The following USP7 variants were observed in gnomAD, a reference collection of about 807,000 sequenced individuals.
The protein encoded by USP7 is ubiquitin specific peptidase 7.
In USP7, 9 loss-of-function variants were observed where a neutral mutation model predicts 162.9. The ratio of observed to expected loss-of-function variants is 0.06; its 90% confidence interval spans 0.03 to 0.10. USP7 has a LOEUF of 0.10. Among genes scored for constraint, USP7 ranks in the 10% least tolerant of loss-of-function variants. The pLI is 1.00. For missense variants in USP7, 715 were observed against 1,373.7 expected (o/e 0.52, Z 7.58); for synonymous variants, 562 against 475.9 (o/e 1.18, Z -2.35).
At chr16:8,896,977 A>G (rs373547298) in intron 26 of USP7, 22 bp downstream of exon 26, 129 of 1,592,698 alleles carry the variant, frequency 8.1e-5, no homozygotes, top group Non-Finnish European at 1.1e-4. Context: ...AACGTCCACA[A>G]TTGGGCTCAA....
chr16:8,894,326 C>T (rs530623213), intron 30 of USP7, among the ~76,000 whole-genome samples: 22 of 152,302 alleles, frequency 1.4e-4, no homozygotes, highest in African/African-American at 5.1e-4. Flanking sequence ...TCACCCTGCA[C>T]ACATATCCAA....
chr16:8,941,269 C>G (rs144566601), intron 1 of USP7, among the ~76,000 whole-genome samples: 9 of 152,324 alleles, frequency 5.9e-5, no homozygotes, highest in Non-Finnish European at 1.2e-4. Flanking sequence ...ATTAACTATG[C>G]TCAAACATAA....
intron 5 of USP7, among the ~76,000 whole-genome samples, chr16:8,919,715 G>A (rs975441471): frequency 2.8e-5 from 4 of 145,176 alleles, no homozygotes; most frequent in Non-Finnish European, 6.0e-5. Flanking sequence ...AAGCCACAGA[G>A]AACGGTGCCA....
chr16:8,934,202 CA>C (rs1434312016), intron 1 of USP7, among the ~76,000 whole-genome samples: 1 of 152,164 alleles, frequency 6.6e-6, no homozygotes, highest in African/African-American at 2.4e-5. Flanking sequence ...CATAAAACTT[CA>C]TGTCTAAAAT....
intron 1 of USP7, among the ~76,000 whole-genome samples, chr16:8,947,575 C>T (rs1020058451): frequency 3.9e-5 from 6 of 152,264 alleles, no homozygotes; most frequent in Non-Finnish European, 7.4e-5. Context: ...CTCGAACTTC[C>T]GGCCTCAAGT....
chr16:8,902,778 C>G (rs1219009764), intron 16 of USP7, among the ~76,000 whole-genome samples: 1 of 151,992 alleles, frequency 6.6e-6, no homozygotes, highest in East Asian at 1.9e-4. Context: ...ATCCCAGCTA[C>G]TTGGGAGGCT....
At position 8,913,055 on chromosome 16, in the gene USP7, A is replaced by T. The variant is rs2061973503; in HGVS notation, c.1078+2199T>A. Among the ~76,000 whole-genome samples, 2 of 151,994 alleles carry T rather than the reference A, an allele frequency of 1.3e-5. 1 individual carries two copies. The highest frequency in any genetic ancestry group is 4.2e-4 in the South Asian group (2 of 4,818). ...ACTGAAAACCAGTGAGAAGGAAAAA[A>T]CCTTAAAAGCACATGGGGGGCTGGG... is the stretch of plus-strand genomic sequence containing the variant. On this transcript the variant is annotated intron_variant, in intron 10 of 30. Transcript: ENST00000344836.
chr16:8,921,743 C>T (rs1310439197), intron 3 of USP7, among the ~76,000 whole-genome samples: 4 of 152,120 alleles, frequency 2.6e-5, no homozygotes, highest in Non-Finnish European at 5.9e-5. Context: ...CTGTCCTGCC[C>T]CGGCATCGAC....
At chr16:8,930,544 A>G in intron 1 of USP7, 147 bp from the exon 2 acceptor site, 1 of 588,798 alleles carries the variant, frequency 1.7e-6, no homozygotes, top group Non-Finnish European at 2.8e-6. Flanking sequence ...TCCAAAAAAT[A>G]TTTATACTAA....
At chr16:8,943,729 T>C (rs748360632) in intron 1 of USP7, among the ~76,000 whole-genome samples, 50 of 152,304 alleles carry the variant, frequency 3.3e-4, no homozygotes, top group African/African-American at 5.1e-4. Context: ...AAAGGCAATA[T>C]GTATTAAAAT....
intron 28 of USP7, 71 bp downstream of exon 28, chr16:8,894,960 A>G (rs2061659232): frequency 1.2e-6 from 2 of 1,613,352 alleles, no homozygotes; most frequent in Non-Finnish European, 1.7e-6. Context: ...AGGAGCGCAG[A>G]TTCGGCAACA....
intron 15 of USP7, among the ~76,000 whole-genome samples, chr16:8,903,741 C>G (rs2061814660): frequency 6.6e-6 from 1 of 151,932 alleles, no homozygotes; most frequent in Non-Finnish European, 1.5e-5. Flanking sequence ...GTGGCACATG[C>G]CTGTAATCCC....
rs750518112 is a variant in USP7, at chr16:8,923,349, C to T, written c.249G>A (p.Glu83=). 15 of 1,614,130 alleles carry T rather than the reference C, an allele frequency of 9.3e-6. 1 individual carries two copies. The South Asian group carries it at 1.5e-4, about 17-fold the overall frequency. The part of the protein sequence containing the change: ...FTVERFSRLS[E]SVLSPPCFVR... Reference sequence around the variant, plus strand: ...CAAAACACGGAGGGCTAAGGACCGACTCACTCAGTCTGCTGAAGCGCTCCA... The same window carrying T: ...CAAAACACGGAGGGCTAAGGACCGATTCACTCAGTCTGCTGAAGCGCTCCA... Residue 83 remains glutamate (E), a synonymous_variant, in exon 3 of 31, where the codon GAG becomes GAA. Coordinates refer to ENST00000344836, the MANE Select transcript of USP7 (RefSeq NM_003470.3).
chr16:8,906,775 T>C (rs887766243), intron 12 of USP7, among the ~76,000 whole-genome samples, 193 bp from the exon 13 acceptor site: 2 of 152,168 alleles, frequency 1.3e-5, no homozygotes, highest in Admixed American at 1.3e-4. Context: ...AACATAAATA[T>C]ACACTATGAA....
At chr16:8,945,116 T>C (rs1190933026) in intron 1 of USP7, among the ~76,000 whole-genome samples, 2 of 151,982 alleles carry the variant, frequency 1.3e-5, no homozygotes, top group Non-Finnish European at 2.9e-5. Flanking sequence ...ATTAGCTGGG[T>C]GTGGTGGCGG....
rs1596427510 is a variant in USP7, at chr16:8,963,698, G to GCGCGGCGGACGGGAGGCCTGGCCGGC, written c.-439_-414dup. 1.4e-5 allele frequency among the ~76,000 whole-genome samples: 2 copies of GCGCGGCGGACGGGAGGCCTGGCCGGC among 143,124 alleles called. No individual in the cohort carries two copies. Among genetic ancestry groups the GCGCGGCGGACGGGAGGCCTGGCCGGC allele is most frequent in the South Asian group, 2.1e-4 (1 of 4,674 alleles). The allele number at this position is 143,124 out of a possible 152,430, so 93.9% of individuals were successfully genotyped here. A position where few individuals can be genotyped will look rare whatever the true frequency, so the allele number is the denominator to read the frequency against. On this transcript the variant is annotated 5_prime_UTR_variant, in exon 1 of 31. Transcript: ENST00000344836. ...CGGAGTCAGCCCCGCCTCGGGCCGG[G>GCGCGGCGGACGGGAGGCCTGGCCGGC]CGCGGCGGACGGGAGGCCTGGCCGG...
intron 1 of USP7, 125 bp downstream of exon 1, chr16:8,963,082 C>T (rs1466639178): frequency 5.6e-6 from 5 of 885,630 alleles, no homozygotes; most frequent in Non-Finnish European, 7.1e-6. Flanking sequence ...GGAGGCCAGG[C>T]CGAGGCCCGG....
chr16:8,923,445 C>G lies in USP7; in HGVS notation c.185-32G>C, dbSNP rs140992704. The G allele has an allele frequency of 2.8e-4, 452 of 1,609,798 alleles. 1 individual carries two copies. The African/African-American group carries it at 5.3e-3, about 19-fold the overall frequency. On this transcript the variant is annotated intron_variant, in intron 2 of 30. Transcript: ENST00000344836. ...AAAAAACACATCATCAGTCACAGAG[C>G]CTGTGCATTGACCAAAAGCACTAGC...
At chr16:8,896,362 CGCTT>C (rs2061681607) in intron 26 of USP7, among the ~76,000 whole-genome samples, 1 of 152,080 alleles carries the variant, frequency 6.6e-6, no homozygotes, top group Non-Finnish European at 1.5e-5. Flanking sequence ...GCGTTTTCCT[CGCTT>C]ACTCTTATTA....
Sources: gnomAD v4.1 joint callset for allele counts (sites outside exome capture counted in the v4.1 genomes callset) on GRCh38, gnomAD v4.1.1 for gene constraint, MANE v1.5 for transcripts, NCBI Gene and HGNC (gene_info 2026-07-23, HGNC 2026-07-21) for gene names.